The following KCNS3 variants were observed in gnomAD, a reference collection of about 807,000 sequenced individuals.
The protein encoded by KCNS3 is potassium voltage-gated channel modifier subfamily S member 3, also known as delayed-rectifier potassium channel regulatory subunit KCNS3.
KCNS3 carries 13 observed loss-of-function variants against 31.0 expected under a neutral mutation model. The ratio of observed to expected loss-of-function variants is 0.42; its 90% CI spans 0.27 to 0.67. KCNS3 has a LOEUF of 0.67. Among genes scored for constraint, KCNS3 ranks in the 30% least tolerant of loss-of-function variants. The pLI is 0.25. For synonymous variants in KCNS3, 238 were observed against 241.5 expected (o/e 0.99, Z 0.13); for missense variants, 545 against 622.4 (o/e 0.88, Z 1.32).
rs1315714169 is a variant in KCNS3, at chr2:17,931,923, G to A, written c.915G>A (p.Arg305=). 1.9e-6 allele frequency: 3 copies of A among 1,613,930 alleles called. No individual in the cohort carries two copies. Among genetic ancestry groups the A allele is most frequent in the Non-Finnish European group, 1.7e-6 (2 of 1,180,014 alleles). Residue 305 remains arginine, a synonymous_variant, in exon 3 of 3, where the codon CGG becomes CGA. Transcript: ENST00000304101. The surrounding 1 kb of genome is among the most constrained non-coding windows in gnomAD (Gnocchi z 5.4). ...MRIFRILKLA[R]HSVGLRSLGA... The stretch of plus-strand genomic sequence containing the variant: ...TTTTCCGAATTCTAAAGCTTGCCCG[G>A]CACTCGGTAGGACTTCGGTCTCTAG...
intron 1 of KCNS3, among the ~76,000 whole-genome samples, chr2:17,909,260 G>A (rs1465561602): frequency 6.6e-6 from 1 of 152,240 alleles, no homozygotes; most frequent in South Asian, 2.1e-4. Flanking sequence ...TCCAAGCCAT[G>A]CATGGGATAT....
At chr2:17,880,046 C>T (rs1009621924) in intron 1 of KCNS3, among the ~76,000 whole-genome samples, 1 of 152,222 alleles carries the variant, frequency 6.6e-6, no homozygotes, top group Non-Finnish European at 1.5e-5. Flanking sequence ...CCTGTATTTA[C>T]TCAAGCGATT....
intron 1 of KCNS3, among the ~76,000 whole-genome samples, chr2:17,888,626 A>AAGTATATAT (rs1553341384): frequency 3.8e-4 from 18 of 47,568 alleles, no homozygotes; most frequent in Non-Finnish European, 5.1e-4. Flanking sequence ...TAATAAAAAA[A>AAGTATATAT]ATGTATATAT....
At position 17,932,710 on chromosome 2, in the gene KCNS3, G is replaced by T. The variant is rs1242051958; in HGVS notation, c.*226G>T. 1.8e-5 allele frequency: 9 copies of T among 493,494 alleles called. No individual in the cohort carries two copies. In the Admixed American group the frequency reaches 2.3e-4, roughly 13 times the overall value. 30.6% of individuals were successfully genotyped at this position (493,494 alleles called of 1,614,324 possible). A position where few individuals can be genotyped will look rare whatever the true frequency, so the allele number is the denominator to read the frequency against. ...AATTTATTTTTTACAAGAGAGAGTT[G>T]TGATATAGTTTGGAATATAAGATAA... On this transcript the variant is annotated 3_prime_UTR_variant, in exon 3 of 3. Transcript: ENST00000304101.
intron 1 of KCNS3, among the ~76,000 whole-genome samples, chr2:17,905,581 G>C (rs1464327412): frequency 6.6e-6 from 1 of 152,186 alleles, no homozygotes; most frequent in African/African-American, 2.4e-5. Context: ...CATTCAGTAT[G>C]ATATTGGCTG....
chr2:17,908,035 G>A (rs1662378609), intron 1 of KCNS3, among the ~76,000 whole-genome samples: 1 of 152,166 alleles, frequency 6.6e-6, no homozygotes, highest in South Asian at 2.1e-4. Context: ...TGTTCTCCTG[G>A]ATAATATCCT....
intron 1 of KCNS3, among the ~76,000 whole-genome samples, chr2:17,905,783 A>G (rs1662299913): frequency 6.6e-6 from 1 of 152,186 alleles, no homozygotes; most frequent in Non-Finnish European, 1.5e-5. Context: ...GCATATGTTG[A>G]ACCAGTCTTG....
At chr2:17,885,653 T>A (rs7602920) in intron 1 of KCNS3, among the ~76,000 whole-genome samples, 1 of 151,994 alleles carries the variant, frequency 6.6e-6, no homozygotes, top group East Asian at 1.9e-4. Context: ...TTTGAGGGGG[T>A]CCAGGCTTTT....
chr2:17,898,571 A>G (rs924552597), intron 1 of KCNS3, among the ~76,000 whole-genome samples: 2 of 152,142 alleles, frequency 1.3e-5, no homozygotes, highest in African/African-American at 2.4e-5. Flanking sequence ...AGCTGCAACC[A>G]GTTGCTGCTG....
intron 1 of KCNS3, among the ~76,000 whole-genome samples, chr2:17,907,245 G>T (rs1166690348): frequency 1.3e-5 from 2 of 152,094 alleles, no homozygotes; most frequent in South Asian, 4.2e-4. Context: ...ATCTTTGTTG[G>T]TTTAAAGTCT....
chr2:17,887,551 C>T (rs1295856897), intron 1 of KCNS3, among the ~76,000 whole-genome samples: 1 of 149,976 alleles, frequency 6.7e-6, no homozygotes, highest in Non-Finnish European at 1.5e-5. Flanking sequence ...ATATATATAT[C>T]ACAGTTTCTT....
intron 2 of KCNS3, among the ~76,000 whole-genome samples, chr2:17,920,684 AC>A (rs1278098356): frequency 6.6e-6 from 1 of 152,210 alleles, no homozygotes; most frequent in African/African-American, 2.4e-5. Flanking sequence ...GAGAATCAAT[AC>A]AGTGAAGCTA....
chr2:17,901,412 G>A (rs1401779933), intron 1 of KCNS3, among the ~76,000 whole-genome samples: 2 of 152,218 alleles, frequency 1.3e-5, no homozygotes, highest in African/African-American at 2.4e-5. Flanking sequence ...AGGCCTCCGT[G>A]GCGAGGGAAA....
chr2:17,903,550 G>A (rs1334567603), intron 1 of KCNS3, among the ~76,000 whole-genome samples: 1 of 152,008 alleles, frequency 6.6e-6, no homozygotes, highest in Non-Finnish European at 1.5e-5. Flanking sequence ...TTGGTGTGCT[G>A]CACCTATTAA....
intron 1 of KCNS3, among the ~76,000 whole-genome samples, chr2:17,898,703 C>A (rs531787522): frequency 6.6e-6 from 1 of 152,050 alleles, no homozygotes; most frequent in Non-Finnish European, 1.5e-5. Flanking sequence ...GGAGAGAACA[C>A]GAGGACATTA....
intron 2 of KCNS3, among the ~76,000 whole-genome samples, chr2:17,922,625 TC>T (rs1310684824): frequency 6.6e-6 from 1 of 152,194 alleles, no homozygotes; most frequent in Non-Finnish European, 1.5e-5. Flanking sequence ...TTTATCATCC[TC>T]AAAGGAAACC....
intron 1 of KCNS3, among the ~76,000 whole-genome samples, chr2:17,887,946 A>G (rs1661721071): frequency 1.3e-5 from 2 of 151,696 alleles, no homozygotes; most frequent in South Asian, 2.1e-4. Context: ...ATTTTTTCAT[A>G]TGTTTGTTGG....
intron 2 of KCNS3, among the ~76,000 whole-genome samples, chr2:17,925,577 G>T (rs943879257): frequency 6.6e-6 from 1 of 152,188 alleles, no homozygotes. Context: ...AGGGGAAGAG[G>T]CACGTCTTAC....
intron 1 of KCNS3, among the ~76,000 whole-genome samples, chr2:17,913,544 C>T (rs1208086263): frequency 1.3e-5 from 2 of 152,254 alleles, no homozygotes; most frequent in Admixed American, 6.5e-5. Context: ...AAAGGTTAAA[C>T]TTGCTTTTAT....
Sources: allele counts gnomAD v4.1 joint callset (sites outside exome capture counted in the v4.1 genomes callset), GRCh38; gene constraint gnomAD v4.1.1; non-coding constraint Gnocchi (gnomAD v3.1); transcripts MANE v1.5; gene names NCBI Gene and HGNC (gene_info 2026-07-23, HGNC 2026-07-21).